Variants in PRDM9 observed in about 807,000 individuals in gnomAD.
PRDM9 encodes histone-lysine N-methyltransferase PRDM9.
Under a neutral mutation model 55.6 loss-of-function variants are expected in PRDM9, and 47 were observed. The ratio of observed to expected loss-of-function variants is 0.85; its 90% CI spans 0.67 to 1.08. PRDM9 has a LOEUF of 1.08. PRDM9 is among the 50% of genes least tolerant of loss of function. The pLI, the probability that PRDM9 is intolerant of heterozygous loss-of-function variation, is 0.00. For missense variants in PRDM9, 867 were observed against 1,040.3 expected, an observed-to-expected ratio of 0.83 and a Z score of 2.29; for synonymous variants, 312 against 375.7, an observed-to-expected ratio of 0.83 and a Z score of 1.96.
chr5:23,523,213 A>G (rs1382196498), intron 8 of PRDM9, 78 bp from the exon 9 acceptor site: 3 of 1,513,258 alleles, frequency 2.0e-6, no homozygotes, highest in African/African-American at 2.8e-5. Context: ...CCCAAAGGCC[A>G]TTGACGACAG....
chr5:23,509,265 C>T (rs146082807), intron 2 of PRDM9, among the ~76,000 whole-genome samples, 163 bp downstream of exon 2: 4 of 152,206 alleles, frequency 2.6e-5, no homozygotes, highest in Admixed American at 1.3e-4. Flanking sequence ...CTAGCATCAG[C>T]GACTGCTCTG....
chr5:23,525,602 C>A (rs765656873), intron 10 of PRDM9, among the ~76,000 whole-genome samples: 5 of 152,088 alleles, frequency 3.3e-5, no homozygotes, highest in Non-Finnish European at 7.4e-5. Context: ...AACCTGAATC[C>A]CACTTCCTGA....
chr5:23,513,025 T>G (rs1739131444), intron 4 of PRDM9, among the ~76,000 whole-genome samples: 1 of 152,252 alleles, frequency 6.6e-6, no homozygotes, highest in Non-Finnish European at 1.5e-5. Context: ...TCCATTCATT[T>G]GTCAATGGAT....
Position 23,522,335 on chromosome 5 carries a change from G to GTA in PRDM9, c.543_544dup (p.Ser182IlefsTer45). The GTA allele has an allele frequency of 8.7e-6, 14 of 1,614,062 alleles. No individual in the cohort carries two copies. Among genetic ancestry groups the GTA allele is most frequent in the Non-Finnish European group, 1.2e-5 (14 of 1,179,976 alleles). On this transcript the variant is annotated frameshift_variant, in exon 7 of 11. Coordinates refer to ENST00000296682, the MANE Select transcript of PRDM9 (RefSeq NM_020227.4). LOFTEE classifies it high-confidence loss of function. ...GGAAGAAGGAGACTGAAAGAAAGAT[G>GTA]TATAGCCTGCGAGAAAGAAAGGGTC...
chr5:23,512,880 C>A (rs1046504592), intron 4 of PRDM9, among the ~76,000 whole-genome samples: 3 of 152,134 alleles, frequency 2.0e-5, no homozygotes, highest in African/African-American at 7.2e-5. Flanking sequence ...AAATATTTGT[C>A]TTTTTGTCAC....
In PRDM9 at chr5:23,526,402, G is replaced by A. The variant is rs777413319; in HGVS notation, c.1314G>A (p.Glu438=). The A allele has an allele frequency of 8.1e-6, 13 of 1,613,948 alleles. No individual in the cohort carries two copies. The highest frequency in any genetic ancestry group is 1.6e-4 in the Middle Eastern group (1 of 6,084). Residue 438 remains glutamate, a synonymous_variant, in exon 11 of 11, where the codon GAG becomes GAA. Transcript: ENST00000296682. ...CCTGCCCAGGGGATCAGAATCAGGA[G>A]CAGCAATATCCAGATCCACACAGCC... ...ENPCPGDQNQ[E]QQYPDPHSRN... is the part of the protein sequence containing the mutation.
intron 5 of PRDM9, among the ~76,000 whole-genome samples, chr5:23,520,735 A>G (rs1739312347): frequency 6.6e-6 from 1 of 151,926 alleles, no homozygotes; most frequent in Non-Finnish European, 1.5e-5. Context: ...CCCTTCTTTC[A>G]CAGATCTTGT....
At chr5:23,510,448 T>A (rs1739072428) in intron 4 of PRDM9, among the ~76,000 whole-genome samples, 1 of 151,928 alleles carries the variant, frequency 6.6e-6, no homozygotes, top group South Asian at 2.1e-4. Flanking sequence ...AGCCTCTGCC[T>A]TCCGGGTTAA....
intron 4 of PRDM9, among the ~76,000 whole-genome samples, chr5:23,512,426 C>G (rs1739116989): frequency 6.6e-6 from 1 of 152,010 alleles, no homozygotes; most frequent in Non-Finnish European, 1.5e-5. Context: ...CTACGATTTC[C>G]CCATCTATGG....
chr5:23,510,336 C>T (rs1437673645), intron 4 of PRDM9, among the ~76,000 whole-genome samples: 4 of 151,746 alleles, frequency 2.6e-5, no homozygotes, highest in African/African-American at 4.8e-5. Flanking sequence ...GCTGGGATTA[C>T]AGCCATGAGC....
intron 1 of PRDM9, among the ~76,000 whole-genome samples, chr5:23,508,288 C>A (rs1739023305): frequency 6.6e-6 from 1 of 152,052 alleles, no homozygotes; most frequent in East Asian, 1.9e-4. Context: ...TAAAAGACCC[C>A]AAATCTCATC....
chr5:23,512,151 A>C (rs1579588936), intron 4 of PRDM9, among the ~76,000 whole-genome samples: 1 of 152,186 alleles, frequency 6.6e-6, no homozygotes, highest in African/African-American at 2.4e-5. Flanking sequence ...ATTTATGTAC[A>C]TTTAATCATA....
intron 1 of PRDM9, 62 bp from the exon 2 acceptor site, chr5:23,508,886 CAG>C: frequency 1.1e-6 from 1 of 904,022 alleles, no homozygotes; most frequent in Non-Finnish European, 1.7e-6. Flanking sequence ...ATGGAGAAGA[CAG>C]AGCCTGGTTC....
intron 10 of PRDM9, among the ~76,000 whole-genome samples, chr5:23,524,853 T>C (rs1718238407): frequency 6.6e-6 from 1 of 152,200 alleles, no homozygotes; most frequent in South Asian, 2.1e-4. Flanking sequence ...CTTCTGGCAT[T>C]TCCTTGATAT....
intron 4 of PRDM9, among the ~76,000 whole-genome samples, chr5:23,513,919 A>G (rs2126413488): frequency 6.6e-6 from 1 of 152,106 alleles, no homozygotes; most frequent in Non-Finnish European, 1.5e-5. Context: ...CACACACATA[A>G]ATTACCCACT....
At position 23,521,322 on chromosome 5, in the gene PRDM9, T is replaced by C. The variant is rs185292258; in HGVS notation, c.508+143T>C. ...CTGTGAGACCAGAAGGTAGATGCAG[T>C]ATTTTGTTAAAATTATTTATTTATT... is the stretch of plus-strand genomic sequence containing the variant. On this transcript the variant is annotated intron_variant, in intron 6 of 10. Transcript: ENST00000296682. 28 of 923,334 alleles carry C rather than the reference T, an allele frequency of 3.0e-5. No individual in the cohort carries two copies. The Admixed American group carries it at 5.1e-4, about 17-fold the overall frequency. The allele number at this position is 923,334 out of a possible 1,614,324, so 57.2% of individuals were successfully genotyped here. A position where few individuals can be genotyped will look rare whatever the true frequency, so the allele number is the denominator to read the frequency against.
intron 4 of PRDM9, among the ~76,000 whole-genome samples, chr5:23,515,783 T>C (rs1423685728): frequency 6.6e-6 from 1 of 152,232 alleles, no homozygotes; most frequent in Non-Finnish European, 1.5e-5. Flanking sequence ...TCCTCCATTG[T>C]GTAGTCTTGG....
At chr5:23,520,169 A>T (rs1289551153) in intron 5 of PRDM9, among the ~76,000 whole-genome samples, 1 of 151,866 alleles carries the variant, frequency 6.6e-6, no homozygotes, top group East Asian at 2.0e-4. Context: ...GTTCGAGACC[A>T]TCCTGGCCAA....
rs570441595 is a variant in PRDM9, at chr5:23,522,705, C to T, written c.702C>T (p.His234=). The T allele has an allele frequency of 6.2e-7, 1 of 1,614,214 alleles. No individual in the cohort carries two copies. The highest frequency in any genetic ancestry group is 8.5e-7 in the Non-Finnish European group (1 of 1,180,052). ...FVKDSAVDKG[H]PNRSALSLPP... is the part of the protein sequence containing the mutation. ...AGGACAGTGCAGTGGACAAGGGGCA[C>T]CCCAACCGTTCAGCCCTCAGTCTGC... The change falls in exon 8 of 11, where the codon CAC becomes CAT. Residue 234 remains histidine, a synonymous_variant. Coordinates refer to ENST00000296682, the MANE Select transcript of PRDM9 (RefSeq NM_020227.4).
Sources: allele counts gnomAD v4.1 joint callset (sites outside exome capture counted in the v4.1 genomes callset), GRCh38; gene constraint gnomAD v4.1.1; transcripts MANE v1.5; gene names NCBI Gene and HGNC (gene_info 2026-07-23, HGNC 2026-07-21).